The following MECOM variants were observed in gnomAD, a reference collection of about 807,000 sequenced individuals.
MECOM encodes histone-lysine N-methyltransferase MECOM.
Under a neutral mutation model 116.3 loss-of-function variants are expected in MECOM, and 13 were observed. The observed-to-expected ratio is 0.11, with a 90% CI of 0.07 to 0.18. The LOEUF (loss-of-function observed/expected upper bound fraction) is 0.18. Ranked by LOEUF, MECOM falls within the 10% of genes least tolerant of loss-of-function variation. The pLI is 1.00. For synonymous variants in MECOM, 528 were observed against 535.2 expected (o/e 0.99, Z 0.19); for missense variants, 1,299 against 1,509.0 (o/e 0.86, Z 2.31).
At chr3:169,654,810 C>G in intron 1 of MECOM, among the ~76,000 whole-genome samples, 1 of 104,214 alleles carries the variant, frequency 9.6e-6, no homozygotes, top group African/African-American at 3.9e-5. Flanking sequence ...TTCCACCTAT[C>G]AAAACACACA....
At chr3:169,546,711 G>GAAAGA (rs781572591) in intron 1 of MECOM, among the ~76,000 whole-genome samples, 1 of 151,152 alleles carries the variant, frequency 6.6e-6, no homozygotes, top group Non-Finnish European at 1.5e-5. Flanking sequence ...CATCTCTAAA[G>GAAAGA]AAAGAAAGAA....
rs79473137 is a variant in MECOM, at chr3:169,153,958, A to G, written c.376-10126T>C. ...TAGTCTGGCCTATACTTTGGGGAAC[A>G]GCAAAGTGTAAGTAGTTTTGTTTCC... On this transcript the variant is annotated intron_variant, in intron 2 of 16. Coordinates refer to ENST00000651503, the MANE Select transcript of MECOM (RefSeq NM_004991.4). 8.2e-3 allele frequency among the ~76,000 whole-genome samples: 1,244 copies of G among 152,336 alleles called. 8 individuals carry two copies. The highest frequency in any genetic ancestry group is 0.014 in the Middle Eastern group (4 of 294).
intron 1 of MECOM, among the ~76,000 whole-genome samples, chr3:169,656,803 C>T (rs1373535572): frequency 6.6e-6 from 1 of 152,074 alleles, no homozygotes; most frequent in Non-Finnish European, 1.5e-5. Flanking sequence ...CACTTTCTTT[C>T]CTAACAACTC....
At chr3:169,634,382 G>A (rs1276559953) in intron 1 of MECOM, among the ~76,000 whole-genome samples, 3 of 152,150 alleles carry the variant, frequency 2.0e-5, no homozygotes, top group Admixed American at 6.5e-5. Flanking sequence ...TTAAGCTAAT[G>A]TGTTCATACA....
At position 169,413,491 on chromosome 3, in the gene MECOM, T is replaced by TA. The variant is rs1491509908; in HGVS notation, c.38-31968_38-31967insT. ...AGTTTTTTTTTTGTTTTTTTTTTTA[T>TA]TTTTTTTTTTGTACCCAAGTGGCAT... is the stretch of plus-strand genomic sequence containing the variant. On this transcript the variant is annotated intron_variant, in intron 1 of 16. Transcript: ENST00000651503. 5.9e-3 allele frequency among the ~76,000 whole-genome samples: 249 copies of TA among 42,274 alleles called. 3 individuals carry two copies. The highest frequency in any genetic ancestry group is 0.024 in the African/African-American group (204 of 8,334). 27.7% of individuals were successfully genotyped at this position (42,274 alleles called of 152,430 possible). A position where few individuals can be genotyped will look rare whatever the true frequency, so the allele number is the denominator to read the frequency against.
intron 2 of MECOM, among the ~76,000 whole-genome samples, chr3:169,152,259 T>C (rs1741286731): frequency 6.6e-6 from 1 of 152,058 alleles, no homozygotes; most frequent in Non-Finnish European, 1.5e-5. Flanking sequence ...ATTATTTTTT[T>C]TATCTATTGG....
At chr3:169,487,520 T>C (rs1338725084) in intron 1 of MECOM, among the ~76,000 whole-genome samples, 1 of 151,480 alleles carries the variant, frequency 6.6e-6, no homozygotes, top group East Asian at 1.9e-4. Context: ...AAAACACAAA[T>C]AGAATGTAGG....
At chr3:169,417,434 C>A (rs1268570151) in intron 1 of MECOM, among the ~76,000 whole-genome samples, 1 of 152,134 alleles carries the variant, frequency 6.6e-6, no homozygotes, top group Non-Finnish European at 1.5e-5. Flanking sequence ...CTTAGAATGG[C>A]AATCATTAAA....
In MECOM at chr3:169,197,183, G is replaced by A. The variant is rs1748528891; in HGVS notation, c.376-53351C>T. Among the ~76,000 whole-genome samples, 3 of 151,842 alleles carry A rather than the reference G, an allele frequency of 2.0e-5. No individual in the cohort carries two copies. The South Asian group carries it at 6.2e-4, about 32-fold the overall frequency. On this transcript the variant is annotated intron_variant, in intron 2 of 16. Coordinates refer to ENST00000651503, the MANE Select transcript of MECOM (RefSeq NM_004991.4). ...CACTTTAGGGTGGAGAGTGGAGGAG[G>A]ATGATGTTTGAAAAACTACCTATTG...
At chr3:169,258,838 G>A (rs752654150) in intron 2 of MECOM, among the ~76,000 whole-genome samples, 15 of 152,176 alleles carry the variant, frequency 9.9e-5, no homozygotes, top group Middle Eastern at 6.8e-3. Flanking sequence ...TAATAATATC[G>A]ACTATTATCT....
intron 2 of MECOM, among the ~76,000 whole-genome samples, chr3:169,285,276 C>T (rs1577587631): frequency 6.6e-6 from 1 of 152,076 alleles, no homozygotes; most frequent in Non-Finnish European, 1.5e-5. Context: ...GCTCTGCAGC[C>T]CTGCTTCTGT....
intron 3 of MECOM, chr3:169,133,923 G>A (rs1325482443): frequency 7.8e-7 from 1 of 1,288,680 alleles, no homozygotes; most frequent in Admixed American, 2.3e-5. Context: ...TCTTTTTTTG[G>A]CATCTCTCAA....
chr3:169,367,420 GTAACTATAAGGCACCCAGATT>G, intron 2 of MECOM, among the ~76,000 whole-genome samples: 1 of 151,748 alleles, frequency 6.6e-6, no homozygotes, highest in Middle Eastern at 3.2e-3. Context: ...CTGCCAAGGT[GTAACTATAAGGCACCCAGATT>G]TATATGCTTA....
chr3:169,142,232 C>T (rs1326630362), intron 3 of MECOM, among the ~76,000 whole-genome samples: 2 of 151,908 alleles, frequency 1.3e-5, no homozygotes, highest in Admixed American at 1.3e-4. Context: ...GTTCTTAAAT[C>T]ATCTTTTCAC....
At chr3:169,382,271 C>A (rs963815016) in intron 1 of MECOM, among the ~76,000 whole-genome samples, 1 of 152,054 alleles carries the variant, frequency 6.6e-6, no homozygotes, top group Non-Finnish European at 1.5e-5. Flanking sequence ...GAATTTCCTC[C>A]AGACAGAGAA....
chr3:169,513,843 A>C (rs188398092), intron 1 of MECOM, among the ~76,000 whole-genome samples: 90 of 152,320 alleles, frequency 5.9e-4, no homozygotes, highest in African/African-American at 2.1e-3. Context: ...CTTTAAAAAC[A>C]CCAGGCACAC....
chr3:169,426,394 A>C (rs940545487), intron 1 of MECOM, among the ~76,000 whole-genome samples: 2 of 152,108 alleles, frequency 1.3e-5, no homozygotes, highest in Non-Finnish European at 2.9e-5. Context: ...TTACAGCACA[A>C]CTTCAAGACG....
At chr3:169,171,877 CA>C (rs1744460337) in intron 2 of MECOM, among the ~76,000 whole-genome samples, 1 of 151,974 alleles carries the variant, frequency 6.6e-6, no homozygotes, top group Admixed American at 6.6e-5. Context: ...CTGACTCTAA[CA>C]AAATAGAAAG....
chr3:169,413,387 ACAC>A (rs1737910408), intron 1 of MECOM, among the ~76,000 whole-genome samples: 1 of 152,162 alleles, frequency 6.6e-6, no homozygotes, highest in African/African-American at 2.4e-5. Flanking sequence ...TCAGGTACCT[ACAC>A]CACAAGTGCC....
Sources: allele counts gnomAD v4.1 joint callset (sites outside exome capture counted in the v4.1 genomes callset), GRCh38; gene constraint gnomAD v4.1.1; transcripts MANE v1.5; gene names NCBI Gene and HGNC (gene_info 2026-07-23, HGNC 2026-07-21).